The following VAMP2 variants were observed in gnomAD, a reference collection of about 807,000 sequenced individuals.
The protein encoded by VAMP2 is vesicle associated membrane protein 2, also known as vesicle-associated membrane protein 2.
For synonymous variants in VAMP2, 67 were observed against 57.3 expected (o/e 1.17, Z -0.76); for missense variants, 95 against 151.3 (o/e 0.63, Z 1.95).
intron 2 of VAMP2, 133 bp from the exon 3 acceptor site, chr17:8,161,899 C>T (rs995720019): frequency 4.7e-5 from 65 of 1,378,262 alleles, no homozygotes; most frequent in Non-Finnish European, 5.9e-5. Context: ...GCCAAGGACA[C>T]ACAGAACATG....
chr17:8,160,388 T>TTTTTTTTTTTTG lies in VAMP2; in HGVS notation c.*466_*467insCAAAAAAAAAAA, dbSNP rs1983265840. 6.3e-5 allele frequency: 8 copies of TTTTTTTTTTTTG among 126,798 alleles called. No homozygotes were observed. Among genetic ancestry groups the TTTTTTTTTTTTG allele is most frequent in the Non-Finnish European group, 1.2e-4 (7 of 59,510 alleles). The allele number at this position is 126,798 out of a possible 1,614,324, so 7.9% of individuals were successfully genotyped here. On this transcript the variant is annotated 3_prime_UTR_variant, in exon 5 of 5. Transcript: ENST00000316509. ...CCTGGACAGGTGCTGTTGTTTTTTT[T>TTTTTTTTTTTTG]TTTTTTTTTTTTTTTTTGAGGGCGG...
rs1983287840 is a variant in VAMP2, at chr17:8,160,788, G to A, written c.*67C>T. 1 of 1,571,620 alleles carries A rather than the reference G, an allele frequency of 6.4e-7. No individual in the cohort carries two copies. Among genetic ancestry groups the A allele is most frequent in the Admixed American group, 1.7e-5 (1 of 57,702 alleles). ...AGTGGGGGCTGAAAGATATGGCTGA[G>A]AGGTGGAGGAACGGCTGAGGGTTGG... On this transcript the variant is annotated 3_prime_UTR_variant, in exon 5 of 5. Transcript: ENST00000316509.
In VAMP2 at chr17:8,162,324, C is replaced by T. The variant is rs1983339539; in HGVS notation, c.48G>A (p.Glu16=). The change falls in exon 2 of 5, where the codon GAG becomes GAA. Residue 16 remains glutamate (E), a synonymous_variant. Transcript: ENST00000316509. ...ATAPPAAPAG[E]GGPPAPPPNL... The stretch of plus-strand genomic sequence containing the variant: ...TTGGAGGGGGTGCAGGGGGACCACC[C>T]TCCCCAGCCGGGGCAGCAGGGGGGG... 3 of 1,605,082 alleles carry T rather than the reference C, an allele frequency of 1.9e-6. No individual in the cohort carries two copies. Among genetic ancestry groups the T allele is most frequent in the African/African-American group, 2.7e-5 (2 of 74,436 alleles).
At position 8,161,703 on chromosome 17, in the gene VAMP2, G is replaced by A; in HGVS notation, c.187C>T (p.Leu63=). The A allele has an allele frequency of 1.2e-6, 2 of 1,614,170 alleles. No individual in the cohort carries two copies. Among genetic ancestry groups the A allele is most frequent in the Middle Eastern group, 1.6e-4 (1 of 6,062 alleles). Residue 63 remains leucine (L), a synonymous_variant, in exon 3 of 5, where the codon CTG becomes TTG. Transcript: ENST00000316509. Reference sequence around the variant, plus strand: ...TGGAGTGCATCTGCACGGTCGTCCAGCTCCGACAGCTTCTGGTCTCGCTCC... The same window carrying A: ...TGGAGTGCATCTGCACGGTCGTCCAACTCCGACAGCTTCTGGTCTCGCTCC... ...VLERDQKLSE[L]DDRADALQAG...
Position 8,160,765 on chromosome 17 carries a change from T to A in VAMP2, c.*90A>T, listed in dbSNP as rs1061032. The A allele has an allele frequency of 9.1e-6, 13 of 1,432,632 alleles. No individual in the cohort carries two copies. In the East Asian group the frequency reaches 2.8e-4, roughly 31 times the overall value. The allele number at this position is 1,432,632 out of a possible 1,614,324, so 88.7% of individuals were successfully genotyped here. ...ACACACACACACGGATCCAGGGGAG[T>A]GGGGGCTGAAAGATATGGCTGAGAG... On this transcript the variant is annotated 3_prime_UTR_variant, in exon 5 of 5. Transcript: ENST00000316509.
Position 8,159,637 on chromosome 17 carries a change from A to G in VAMP2, c.*1218T>C, listed in dbSNP as rs536573228. ...GCAGTGATGGGGCAACACCCCCCAAATTGGGGAGGAGGGTTTTCAGTCCAA... is the reference window on the plus strand; with the variant it reads ...GCAGTGATGGGGCAACACCCCCCAAGTTGGGGAGGAGGGTTTTCAGTCCAA... On this transcript the variant is annotated 3_prime_UTR_variant, in exon 5 of 5. Transcript: ENST00000316509. The G allele has an allele frequency of 6.5e-6, 1 of 152,766 alleles. No individual in the cohort carries two copies. Among genetic ancestry groups the G allele is most frequent in the South Asian group, 2.1e-4 (1 of 4,826 alleles). The allele number at this position is 152,766 out of a possible 1,614,324, so 9.5% of individuals were successfully genotyped here.
chr17:8,162,659 G>T (rs1001101161), intron 1 of VAMP2: 406 of 1,389,898 alleles, frequency 2.9e-4, no homozygotes, highest in Non-Finnish European at 3.3e-4. Flanking sequence ...GGCGGGGAGG[G>T]GCAGGAGGAC....
At chr17:8,161,224 GGCCTAA>G in intron 4 of VAMP2, 1 of 608,320 alleles carries the variant, frequency 1.6e-6, no homozygotes, top group East Asian at 2.8e-5. Context: ...TGGGCTCTTA[GGCCTAA>G]AGGGTCCTCA....
Position 8,160,775 on chromosome 17 carries a change from A to C in VAMP2, c.*80T>G. 2 of 1,526,778 alleles carry C rather than the reference A, an allele frequency of 1.3e-6. No individual in the cohort carries two copies. Among genetic ancestry groups the C allele is most frequent in the South Asian group, 2.5e-5 (2 of 81,098 alleles). The allele number at this position is 1,526,778 out of a possible 1,614,324, so 94.6% of individuals were successfully genotyped here. On this transcript the variant is annotated 3_prime_UTR_variant, in exon 5 of 5. Coordinates refer to ENST00000316509, the MANE Select transcript of VAMP2 (RefSeq NM_014232.3). ...ACGGATCCAGGGGAGTGGGGGCTGA[A>C]AGATATGGCTGAGAGGTGGAGGAAC...
At chr17:8,162,749 T>C in intron 1 of VAMP2, 129 bp downstream of exon 1, 1 of 1,274,964 alleles carries the variant, frequency 7.8e-7, no homozygotes. Context: ...CCGCGCGCAG[T>C]CACCGGCTTG....
chr17:8,162,261 G>A lies in VAMP2; in HGVS notation c.111C>T (p.Ala37=). The A allele has an allele frequency of 6.4e-7, 1 of 1,553,986 alleles. No homozygotes were observed. The highest frequency in any genetic ancestry group is 8.7e-7 in the Non-Finnish European group (1 of 1,155,026). ...CCCCCACACTCACCTCATCCACCTGGGCCTGGGTCTGCTGCAGTCTCCTGT... is the reference window on the plus strand; with the variant it reads ...CCCCCACACTCACCTCATCCACCTGAGCCTGGGTCTGCTGCAGTCTCCTGT... ...TSNRRLQQTQ[A]QVDEVVDIMR... Residue 37 remains alanine, a synonymous_variant, in exon 2 of 5, where the codon GCC becomes GCT. Transcript: ENST00000316509.
rs776778151 is a variant in VAMP2, at chr17:8,160,883, G to C, written c.335-12C>G. 3 of 1,608,064 alleles carry C rather than the reference G, an allele frequency of 1.9e-6. No homozygotes were observed. The highest frequency in any genetic ancestry group is 2.6e-6 in the Non-Finnish European group (3 of 1,176,232). On this transcript the variant is annotated splice_polypyrimidine_tract_variant and intron_variant, in intron 4 of 4. Coordinates refer to ENST00000316509, the MANE Select transcript of VAMP2 (RefSeq NM_014232.3). ...AGTGCTGAAGTAAACTGTGGAGAGAGGGGAAGAAGATGAGGAAGAGGGAGA... is the reference window on the plus strand; with the variant it reads ...AGTGCTGAAGTAAACTGTGGAGAGACGGGAAGAAGATGAGGAAGAGGGAGA...
In VAMP2 at chr17:8,162,317, G is replaced by A. The variant is rs1194040608; in HGVS notation, c.55C>T (p.Pro19Ser). Residue 19 changes from proline to serine, a missense_variant, in exon 2 of 5, where the codon CCC becomes TCC. Pro to Ser is a moderately conservative substitution (Grantham distance 74). Coordinates refer to ENST00000316509, the MANE Select transcript of VAMP2 (RefSeq NM_014232.3). ...PPAAPAGEGGPPAPPPNLTSN... is the reference protein window; with the variant it reads ...PPAAPAGEGGSPAPPPNLTSN... Reference sequence around the variant, plus strand: ...GTGAGGTTTGGAGGGGGTGCAGGGGGACCACCCTCCCCAGCCGGGGCAGCA... The same window carrying A: ...GTGAGGTTTGGAGGGGGTGCAGGGGAACCACCCTCCCCAGCCGGGGCAGCA... 2.5e-6 allele frequency: 4 copies of A among 1,602,202 alleles called. No individual in the cohort carries two copies. Among genetic ancestry groups the A allele is most frequent in the Middle Eastern group, 1.7e-4 (1 of 5,982 alleles).
At chr17:8,160,892 G>A in intron 4 of VAMP2, 21 bp from the exon 5 acceptor site, 2 of 1,600,910 alleles carry the variant, frequency 1.2e-6, no homozygotes, top group Non-Finnish European at 1.7e-6. Flanking sequence ...AGGGGAAGAA[G>A]ATGAGGAAGA....
intron 2 of VAMP2, among the ~76,000 whole-genome samples, 181 bp from the exon 3 acceptor site, chr17:8,161,947 G>T (rs1381655166): frequency 6.6e-6 from 1 of 152,110 alleles, no homozygotes; most frequent in Non-Finnish European, 1.5e-5. Context: ...GCACACATCA[G>T]GGGCATGCTG....
rs1983364821 is a variant in VAMP2, at chr17:8,162,934, G to GC, written c.-56dup. On this transcript the variant is annotated 5_prime_UTR_variant, in exon 1 of 5. Coordinates refer to ENST00000316509, the MANE Select transcript of VAMP2 (RefSeq NM_014232.3). ...GCGGCAGTGATGGCGGCGGCGGCTC[G>GC]CGCTGGCTCCGACTGGCGCTGGCTG... The GC allele has an allele frequency of 1.3e-5, 16 of 1,203,714 alleles. No individual in the cohort carries two copies. Among genetic ancestry groups the GC allele is most frequent in the Non-Finnish European group, 1.6e-5 (16 of 969,908 alleles). 74.6% of individuals were successfully genotyped at this position (1,203,714 alleles called of 1,614,324 possible). A position where few individuals can be genotyped will look rare whatever the true frequency, so the allele number is the denominator to read the frequency against.
At position 8,160,380 on chromosome 17, in the gene VAMP2, G is replaced by GTTGTTTTTTTTTTTT. The variant is rs1983260313; in HGVS notation, c.*474_*475insAAAAAAAAAAAACAA. 4 of 35,122 alleles carry GTTGTTTTTTTTTTTT rather than the reference G, an allele frequency of 1.1e-4. No homozygotes were observed. Among genetic ancestry groups the GTTGTTTTTTTTTTTT allele is most frequent in the Non-Finnish European group, 2.0e-4 (4 of 20,096 alleles). The allele number at this position is 35,122 out of a possible 1,614,324, so 2.2% of individuals were successfully genotyped here. On this transcript the variant is annotated 3_prime_UTR_variant, in exon 5 of 5. Transcript: ENST00000316509. ...TAAGGAAGCCTGGACAGGTGCTGTT[G>GTTGTTTTTTTTTTTT]TTTTTTTTTTTTTTTTTTTTTTTTT...
chr17:8,162,187 C>T, intron 2 of VAMP2, 62 bp downstream of exon 2: 1 of 1,497,198 alleles, frequency 6.7e-7, no homozygotes, highest in African/African-American at 1.4e-5. Flanking sequence ...AACATGGGCC[C>T]CTACACCTAT....
chr17:8,161,960 G>A (rs1983326138), intron 2 of VAMP2, among the ~76,000 whole-genome samples, 194 bp from the exon 3 acceptor site: 1 of 152,148 alleles, frequency 6.6e-6, no homozygotes, highest in Non-Finnish European at 1.5e-5. Flanking sequence ...GCATGCTGGT[G>A]ACATCTCAGA....
Sources: gnomAD v4.1 joint callset for allele counts (sites outside exome capture counted in the v4.1 genomes callset) on GRCh38, gnomAD v4.1.1 for gene constraint, MANE v1.5 for transcripts, NCBI Gene and HGNC (gene_info 2026-07-23, HGNC 2026-07-21) for gene names.